RALB: variants seen among roughly 807,000 people sequenced by gnomAD.
RALB encodes the protein ras-related protein Ral-B.
In RALB, 16 loss-of-function variants were observed where a neutral mutation model predicts 21.3. The observed-to-expected ratio is 0.75, with a 90% CI of 0.51 to 1.14. RALB has a LOEUF of 1.14. Among genes scored for constraint, RALB ranks in the 50% most tolerant of loss-of-function variants. RALB has a pLI of 0.00. For synonymous variants in RALB, 93 were observed against 96.1 expected, an observed-to-expected ratio of 0.97 and a Z score of 0.19; for missense variants, 161 against 256.2, an observed-to-expected ratio of 0.63 and a Z score of 2.54.
intron 1 of RALB, among the ~76,000 whole-genome samples, chr2:120,247,336 G>A (rs1200269639): frequency 6.6e-6 from 1 of 152,194 alleles, no homozygotes. Context: ...AGATGCATGG[G>A]TTTTTTTCCT....
chr2:120,247,285 A>C (rs1324457791), intron 1 of RALB, among the ~76,000 whole-genome samples: 1 of 152,254 alleles, frequency 6.6e-6, no homozygotes, highest in Non-Finnish European at 1.5e-5. Flanking sequence ...TGACAGCAGA[A>C]AGATAAGTCC....
At chr2:120,249,454 C>A (rs780367038), upstream of RALB, among the ~76,000 whole-genome samples, 9 of 152,210 alleles carry the variant, frequency 5.9e-5, no homozygotes, top group African/African-American at 2.2e-4. Flanking sequence ...ATAGCACTGG[C>A]ATCTGTTCCT....
chr2:120,293,119 A>ACT (rs1477272686), intron 4 of RALB, 22 bp from the exon 5 acceptor site: 2 of 1,573,752 alleles, frequency 1.3e-6, no homozygotes, highest in African/African-American at 2.8e-5. Context: ...TATTCTTTTT[A>ACT]CTCTTTACTC....
intron 2 of RALB, among the ~76,000 whole-genome samples, chr2:120,282,120 G>A (rs1271759640): frequency 6.6e-6 from 1 of 152,058 alleles, no homozygotes; most frequent in Non-Finnish European, 1.5e-5. Flanking sequence ...TCCAAGGAGA[G>A]AAGATTCCCC....
intron 1 of RALB, among the ~76,000 whole-genome samples, chr2:120,261,350 G>A (rs779216339): frequency 6.6e-6 from 1 of 152,116 alleles, no homozygotes; most frequent in Non-Finnish European, 1.5e-5. Flanking sequence ...GAGCAGGAAT[G>A]TGTACTCCAT....
chr2:120,260,734 C>T (rs545249644), intron 1 of RALB, among the ~76,000 whole-genome samples: 1 of 152,370 alleles, frequency 6.6e-6, no homozygotes, highest in South Asian at 2.1e-4. Context: ...TACAGGCCTG[C>T]TGCGGGCCTT....
At chr2:120,256,194 C>T (rs1443777324) in intron 1 of RALB, among the ~76,000 whole-genome samples, 1 of 152,172 alleles carries the variant, frequency 6.6e-6, no homozygotes, top group African/African-American at 2.4e-5. Flanking sequence ...GATCTGTTTC[C>T]AAAATGGCAC....
intron 1 of RALB, among the ~76,000 whole-genome samples, chr2:120,274,044 G>A (rs1256615471): frequency 2.6e-5 from 4 of 152,146 alleles, no homozygotes; most frequent in East Asian, 1.9e-4. Flanking sequence ...ATAACTACAC[G>A]TGTTTGCAAG....
chr2:120,252,341 A>G (rs893563224), upstream of RALB, among the ~76,000 whole-genome samples: 2 of 152,194 alleles, frequency 1.3e-5, no homozygotes, highest in Admixed American at 1.3e-4. Flanking sequence ...GGATGTCATC[A>G]GCGAAGCGAG....
At chr2:120,271,885 G>T (rs972326138) in intron 1 of RALB, among the ~76,000 whole-genome samples, 1 of 152,178 alleles carries the variant, frequency 6.6e-6, no homozygotes, top group African/African-American at 2.4e-5. Context: ...ATTTTCTAAG[G>T]GGAGAAACCC....
chr2:120,287,195 A>G (rs1054522298), intron 3 of RALB, among the ~76,000 whole-genome samples: 1 of 152,198 alleles, frequency 6.6e-6, no homozygotes, highest in African/African-American at 2.4e-5. Flanking sequence ...TCCTTCCAGG[A>G]CTTGGATGGA....
intron 1 of RALB, among the ~76,000 whole-genome samples, chr2:120,246,046 C>G (rs1004136623): frequency 2.6e-5 from 4 of 152,216 alleles, no homozygotes; most frequent in Non-Finnish European, 5.9e-5. Context: ...GACACCACCC[C>G]GCATTCCTCG....
intron 1 of RALB, among the ~76,000 whole-genome samples, chr2:120,269,451 T>A (rs911828898): frequency 6.6e-6 from 1 of 151,966 alleles, no homozygotes; most frequent in Non-Finnish European, 1.5e-5. Flanking sequence ...CCAGTTTTTA[T>A]TCCCTTATTT....
intron 1 of RALB, among the ~76,000 whole-genome samples, chr2:120,270,024 C>T (rs1689622937): frequency 6.6e-6 from 1 of 152,130 alleles, no homozygotes; most frequent in African/African-American, 2.4e-5. Context: ...TGTTTGTTAT[C>T]TGTGCCCACT....
chr2:120,259,257 T>C (rs1208647942), intron 1 of RALB, among the ~76,000 whole-genome samples: 1 of 152,226 alleles, frequency 6.6e-6, no homozygotes, highest in Non-Finnish European at 1.5e-5. Context: ...TTTATTCTCT[T>C]ATCTGGCCCC....
intron 1 of RALB, among the ~76,000 whole-genome samples, chr2:120,266,084 AT>A (rs566493694): frequency 6.6e-6 from 1 of 152,266 alleles, no homozygotes; most frequent in East Asian, 1.9e-4. Context: ...TTGTTGCTTT[AT>A]AGTTCAGGAA....
Position 120,287,027 on chromosome 2 carries a change from CAT to C in RALB, c.323+948_323+949del, listed in dbSNP as rs1258583239. On this transcript the variant is annotated intron_variant, in intron 3 of 4. Coordinates refer to ENST00000272519, the MANE Select transcript of RALB (RefSeq NM_002881.3). ...TTAAAAAATCTGTTCTTCTTATAAA[CAT>C]ATCTATCTAGATGACTTTTTAAGAA... 2.8e-4 allele frequency among the ~76,000 whole-genome samples: 42 copies of C among 152,290 alleles called. 1 individual carries two copies. Among genetic ancestry groups the C allele is most frequent in the Non-Finnish European group, 4.7e-4 (32 of 68,030 alleles).
At chr2:120,291,598 C>T (rs1044964827) in intron 4 of RALB, among the ~76,000 whole-genome samples, 6 of 152,136 alleles carry the variant, frequency 3.9e-5, no homozygotes, top group Non-Finnish European at 8.8e-5. Flanking sequence ...ATGGTATTCA[C>T]TTGTAAAGAA....
At chr2:120,283,323 T>A (rs2104648921) in intron 2 of RALB, among the ~76,000 whole-genome samples, 1 of 152,336 alleles carries the variant, frequency 6.6e-6, no homozygotes, top group East Asian at 1.9e-4. Flanking sequence ...AGTGTTAGTG[T>A]ATTTTATGCG....
Sources: allele counts gnomAD v4.1 joint callset (sites outside exome capture counted in the v4.1 genomes callset), GRCh38; gene constraint gnomAD v4.1.1; transcripts MANE v1.5; gene names NCBI Gene and HGNC (gene_info 2026-07-23, HGNC 2026-07-21).